The following PTGIS variants were observed in gnomAD, a reference collection of about 807,000 sequenced individuals.
The protein encoded by PTGIS is prostaglandin I2 synthase.
PTGIS carries 45 observed loss-of-function variants against 50.3 expected under a neutral mutation model. The ratio of observed to expected loss-of-function variants is 0.90; its 90% CI spans 0.70 to 1.15. PTGIS has a LOEUF of 1.15. PTGIS is among the 50% of genes most tolerant of loss of function. The probability of loss-of-function intolerance (pLI) is 0.00; values close to 1 mark genes in which losing one functional copy is unlikely to be tolerated. For synonymous variants in PTGIS, 260 were observed against 267.7 expected (o/e 0.97, Z 0.28); for missense variants, 668 against 661.3 (o/e 1.01, Z -0.11).
At chr20:49,533,740 T>C (rs941778981) in intron 5 of PTGIS, among the ~76,000 whole-genome samples, 1 of 152,092 alleles carries the variant, frequency 6.6e-6, no homozygotes, top group African/African-American at 2.4e-5. Context: ...GCAGATCACT[T>C]GAGGTCAGGA....
At chr20:49,567,983 G>A in intron 1 of PTGIS, 60 bp downstream of exon 1, 1 of 1,424,692 alleles carries the variant, frequency 7.0e-7, no homozygotes, top group Non-Finnish European at 9.2e-7. Context: ...CCCTTGGGCT[G>A]CAGCCCGGGC....
intron 1 of PTGIS, among the ~76,000 whole-genome samples, chr20:49,559,257 TAGA>T (rs1982700014): frequency 6.6e-6 from 1 of 152,188 alleles, no homozygotes; most frequent in Admixed American, 6.5e-5. Context: ...GCCCTTGTGG[TAGA>T]AGAGCACACC....
chr20:49,543,817 C>T (rs1406052195), intron 4 of PTGIS, among the ~76,000 whole-genome samples: 1 of 152,206 alleles, frequency 6.6e-6, no homozygotes, highest in Non-Finnish European at 1.5e-5. Context: ...ACTGGAGTGT[C>T]AGCTGTGTGA....
rs2122887235 is a variant in PTGIS, at chr20:49,547,918, G to A, written c.300C>T (p.Ala100=). 1 of 1,614,140 alleles carries A rather than the reference G, an allele frequency of 6.2e-7. No individual in the cohort carries two copies. The highest frequency in any genetic ancestry group is 1.1e-5 in the South Asian group (1 of 91,072). ...CAAAAATCCTCTCCATGAGGAAGAT[G>A]GCATAGGCATGGAAGTCGAGCCTGG... is the stretch of plus-strand genomic sequence containing the variant. ...PRTRLDFHAY[A]IFLMERIFDV... Residue 100 remains alanine, a synonymous_variant, in exon 3 of 10, where the codon GCC becomes GCT. Transcript: ENST00000244043.
At chr20:49,528,271 C>T (rs762921176) in intron 5 of PTGIS, among the ~76,000 whole-genome samples, 4 of 152,102 alleles carry the variant, frequency 2.6e-5, no homozygotes, top group Non-Finnish European at 5.9e-5. Flanking sequence ...GTGTTGAAAT[C>T]TTGTGCCATC....
chr20:49,559,493 C>T (rs907903289), intron 1 of PTGIS, among the ~76,000 whole-genome samples: 8 of 152,232 alleles, frequency 5.3e-5, no homozygotes, highest in East Asian at 3.9e-4. Context: ...GGATCAGGAC[C>T]GCTTTCGGGT....
intron 3 of PTGIS, among the ~76,000 whole-genome samples, chr20:49,546,804 C>G (rs1385283896): frequency 1.3e-5 from 2 of 152,362 alleles, no homozygotes; most frequent in Middle Eastern, 3.4e-3. Context: ...CCTATAATAG[C>G]TGCCTTCAAA....
In PTGIS at chr20:49,550,100, G is replaced by A. The variant is rs972420060; in HGVS notation, c.164C>T (p.Thr55Met). The A allele has an allele frequency of 1.1e-5, 17 of 1,614,058 alleles. No individual in the cohort carries two copies. The highest frequency in any genetic ancestry group is 1.4e-5 in the Non-Finnish European group (16 of 1,180,034). ...DFGKDAASFLTRMKEKHGDIF... is the reference protein window; with the variant it reads ...DFGKDAASFLMRMKEKHGDIF... ...GTCACCGTGCTTCTCCTTCATCCTC[G>A]TGAGGAAGCTGGCAGCATCTTTTCC... Residue 55 changes from threonine (T) to methionine (M), a missense_variant, in exon 2 of 10, where the codon ACG becomes ATG. Physicochemically the swap from Thr to Met is moderately conservative, Grantham distance 81. Coordinates refer to ENST00000244043, the MANE Select transcript of PTGIS (RefSeq NM_000961.4).
chr20:49,539,850 T>G, intron 4 of PTGIS, 129 bp from the exon 5 acceptor site: 1 of 1,295,890 alleles, frequency 7.7e-7, no homozygotes. Context: ...AAGACCATTC[T>G]GGGCACTGAA....
intron 5 of PTGIS, among the ~76,000 whole-genome samples, chr20:49,536,478 CTTTTTTTTTTTT>C (rs761478359): frequency 9.2e-6 from 1 of 108,664 alleles, no homozygotes; most frequent in African/African-American, 4.1e-5. Flanking sequence ...TTCTTTCTTT[CTTTTTTTTTTTT>C]TTTTTTTTGA....
chr20:49,509,978 T>C (rs544057199), intron 9 of PTGIS, among the ~76,000 whole-genome samples: 1 of 140,818 alleles, frequency 7.1e-6, no homozygotes, highest in African/African-American at 2.6e-5. Flanking sequence ...AATCTCCACC[T>C]CCTGGGTTCA....
intron 5 of PTGIS, among the ~76,000 whole-genome samples, chr20:49,535,964 C>T (rs1432789362): frequency 6.6e-6 from 1 of 152,070 alleles, no homozygotes; most frequent in Non-Finnish European, 1.5e-5. Flanking sequence ...ACTTCTTTAC[C>T]CATTCTGATG....
chr20:49,543,950 A>G (rs1299105236), intron 4 of PTGIS, among the ~76,000 whole-genome samples: 1 of 152,188 alleles, frequency 6.6e-6, no homozygotes, highest in Non-Finnish European at 1.5e-5. Context: ...AAGACCAGAT[A>G]AAAGGTTAAG....
intron 5 of PTGIS, among the ~76,000 whole-genome samples, chr20:49,531,232 C>G (rs1349830283): frequency 6.6e-6 from 1 of 152,048 alleles, no homozygotes; most frequent in East Asian, 1.9e-4. Context: ...AAAATAATTT[C>G]CAGTGAAACA....
At chr20:49,567,940 G>T in intron 1 of PTGIS, 103 bp downstream of exon 1, 1 of 1,136,938 alleles carries the variant, frequency 8.8e-7, no homozygotes, top group East Asian at 3.2e-5. Context: ...TACTGGAGCG[G>T]GACTCGGGCC....
At chr20:49,544,685 A>G (rs1446645425) in intron 3 of PTGIS, among the ~76,000 whole-genome samples, 1 of 152,202 alleles carries the variant, frequency 6.6e-6, no homozygotes. Context: ...TGGGAATAAG[A>G]GTTACTATTA....
intron 1 of PTGIS, among the ~76,000 whole-genome samples, chr20:49,559,955 T>C (rs961663512): frequency 2.0e-5 from 3 of 151,220 alleles, no homozygotes; most frequent in African/African-American, 4.9e-5. Flanking sequence ...GACGGAATCT[T>C]GGTCTGTCGC....
chr20:49,564,973 T>A (rs1232934559), intron 1 of PTGIS, among the ~76,000 whole-genome samples: 1 of 112,146 alleles, frequency 8.9e-6, no homozygotes. Flanking sequence ...TTGTTTGCCC[T>A]TTTTTTTTTT....
chr20:49,563,537 A>G (rs1023512660), intron 1 of PTGIS, among the ~76,000 whole-genome samples: 1 of 152,228 alleles, frequency 6.6e-6, no homozygotes, highest in African/African-American at 2.4e-5. Flanking sequence ...AGAGGGTGCT[A>G]CCACTGAGTC....
Sources: gnomAD v4.1 joint callset for allele counts (sites outside exome capture counted in the v4.1 genomes callset) on GRCh38, gnomAD v4.1.1 for gene constraint, MANE v1.5 for transcripts, NCBI Gene and HGNC (gene_info 2026-07-23, HGNC 2026-07-21) for gene names.